The following TENM4 variants were observed in gnomAD, a reference collection of about 807,000 sequenced individuals.
TENM4 encodes the protein teneurin-4.
A neutral mutation model predicts 243.3 loss-of-function variants in TENM4; 82 were observed. The ratio of observed to expected loss-of-function variants is 0.34; its 90% CI spans 0.28 to 0.40. TENM4 has a LOEUF of 0.40. Ranked by LOEUF, TENM4 falls within the 10% of genes least tolerant of loss-of-function variation. TENM4 has a pLI of 1.00. For synonymous variants in TENM4, 1,412 were observed against 1,456.3 expected (o/e 0.97, Z 0.69); for missense variants, 3,138 against 3,673.3 (o/e 0.85, Z 3.77).
chr11:79,166,611 CA>C (rs959013721), intron 3 of TENM4, among the ~76,000 whole-genome samples: 6 of 152,176 alleles, frequency 3.9e-5, no homozygotes, highest in Non-Finnish European at 8.8e-5. Context: ...TTATTTGCTT[CA>C]TTTAATTCAG....
At chr11:79,161,031 C>G (rs2135084851) in intron 3 of TENM4, among the ~76,000 whole-genome samples, 2 of 152,266 alleles carry the variant, frequency 1.3e-5, no homozygotes, top group South Asian at 4.1e-4. Flanking sequence ...TTTTAGTGAG[C>G]CATCTTTGTC....
At chr11:78,929,322 A>T (rs868775862) in intron 6 of TENM4, among the ~76,000 whole-genome samples, 8 of 152,242 alleles carry the variant, frequency 5.3e-5, no homozygotes, top group Admixed American at 3.9e-4. Flanking sequence ...AGAATCGGCT[A>T]CATTACAGTG....
At chr11:78,807,751 G>T (rs905556569) in intron 14 of TENM4, among the ~76,000 whole-genome samples, 1 of 152,136 alleles carries the variant, frequency 6.6e-6, no homozygotes, top group Non-Finnish European at 1.5e-5. Context: ...GTATGGTCAG[G>T]CCCCTCCTAA....
chr11:79,235,524 C>T (rs537373601), intron 2 of TENM4, among the ~76,000 whole-genome samples: 2 of 152,176 alleles, frequency 1.3e-5, no homozygotes, highest in African/African-American at 2.4e-5. Context: ...TAATGATAAT[C>T]GTTAGCATTG....
At chr11:79,302,001 A>G (rs924820696) in intron 1 of TENM4, among the ~76,000 whole-genome samples, 5 of 152,192 alleles carry the variant, frequency 3.3e-5, no homozygotes, top group Non-Finnish European at 4.4e-5. Context: ...CAGTGCGAGA[A>G]CGGACTAATA....
chr11:79,323,376 A>G (rs1856922692), intron 1 of TENM4, among the ~76,000 whole-genome samples: 1 of 152,200 alleles, frequency 6.6e-6, no homozygotes, highest in Admixed American at 6.5e-5. Flanking sequence ...ATGAGGACTG[A>G]ACACTTGCTC....
chr11:79,400,354 C>T (rs935731911), intron 1 of TENM4, among the ~76,000 whole-genome samples: 4 of 151,848 alleles, frequency 2.6e-5, no homozygotes, highest in Admixed American at 6.6e-5. Context: ...AAGACCTTCC[C>T]AGACAATGCA....
At chr11:79,331,349 G>A in intron 1 of TENM4, among the ~76,000 whole-genome samples, 1 of 152,126 alleles carries the variant, frequency 6.6e-6, no homozygotes, top group Non-Finnish European at 1.5e-5. Context: ...GCTCACAGCT[G>A]TGTGATCCTC....
chr11:79,070,352 C>T (rs1360572645), intron 4 of TENM4, among the ~76,000 whole-genome samples: 4 of 152,162 alleles, frequency 2.6e-5, no homozygotes, highest in Non-Finnish European at 5.9e-5. Context: ...TCACATCCCA[C>T]ATGGAGCAGG....
At chr11:79,046,927 T>C (rs547887291) in intron 6 of TENM4, among the ~76,000 whole-genome samples, 1 of 152,276 alleles carries the variant, frequency 6.6e-6, no homozygotes, top group South Asian at 2.1e-4. Context: ...TGGGCCTCCA[T>C]CTAGCATTCA....
At chr11:78,862,886 A>G in intron 10 of TENM4, 76 bp downstream of exon 10, 1 of 1,293,058 alleles carries the variant, frequency 7.7e-7, no homozygotes, top group Non-Finnish European at 1.0e-6. Flanking sequence ...CACATGATGC[A>G]CGCACGTTAT....
intron 2 of TENM4, among the ~76,000 whole-genome samples, chr11:79,244,219 A>G (rs1157187802): frequency 6.6e-6 from 1 of 152,136 alleles, no homozygotes; most frequent in Admixed American, 6.5e-5. Context: ...TGGCTCGGGG[A>G]AAATGTTCCA....
At chr11:78,992,453 A>G (rs138422558) in intron 6 of TENM4, among the ~76,000 whole-genome samples, 1 of 152,262 alleles carries the variant, frequency 6.6e-6, no homozygotes, top group Non-Finnish European at 1.5e-5. Flanking sequence ...TACACTGTGC[A>G]TTGCTTTAGG....
chr11:79,201,776 A>T (rs1863743124), intron 3 of TENM4, among the ~76,000 whole-genome samples: 1 of 152,172 alleles, frequency 6.6e-6, no homozygotes, highest in Non-Finnish European at 1.5e-5. Context: ...GTGAAGGGAA[A>T]CCACTGTAGG....
At chr11:79,237,755 T>C (rs1223867680) in intron 2 of TENM4, among the ~76,000 whole-genome samples, 1 of 152,210 alleles carries the variant, frequency 6.6e-6, no homozygotes, top group East Asian at 1.9e-4. Flanking sequence ...CACAAAAATC[T>C]GAAGACTGCA....
intron 6 of TENM4, among the ~76,000 whole-genome samples, chr11:79,043,056 G>C (rs1047361407): frequency 2.6e-5 from 4 of 152,160 alleles, no homozygotes; most frequent in Non-Finnish European, 5.9e-5. Context: ...TTCCTGGCTA[G>C]ACTGCCAGCA....
At chr11:79,264,887 G>C (rs1855857660) in intron 2 of TENM4, among the ~76,000 whole-genome samples, 2 of 152,118 alleles carry the variant, frequency 1.3e-5, no homozygotes, top group African/African-American at 2.4e-5. Context: ...TATACCTCTG[G>C]TCTTGTCAAC....
chr11:79,047,903 AATG>A (rs997974718), intron 6 of TENM4, among the ~76,000 whole-genome samples: 3 of 151,458 alleles, frequency 2.0e-5, no homozygotes, highest in Non-Finnish European at 4.4e-5. Flanking sequence ...ATAAGTACTA[AATG>A]ATAATTATTA....
intron 6 of TENM4, among the ~76,000 whole-genome samples, chr11:78,981,296 C>G (rs1481605213): frequency 6.6e-6 from 1 of 152,208 alleles, no homozygotes; most frequent in Non-Finnish European, 1.5e-5. Context: ...GCAGAACACT[C>G]TATGATTCAG....
Sources: gnomAD v4.1 joint callset for allele counts (sites outside exome capture counted in the v4.1 genomes callset) on GRCh38, gnomAD v4.1.1 for gene constraint, MANE v1.5 for transcripts, NCBI Gene and HGNC (gene_info 2026-07-23, HGNC 2026-07-21) for gene names.